Variants in CTNNA3 observed in about 807,000 individuals in gnomAD.
The protein encoded by CTNNA3 is catenin alpha-3.
In CTNNA3, 76 loss-of-function variants were observed where a neutral mutation model predicts 95.7. The ratio of observed to expected loss-of-function variants is 0.79; its 90% confidence interval spans 0.66 to 0.96. The LOEUF is 0.96. CTNNA3 is among the 40% of genes least tolerant of loss of function. CTNNA3 has a pLI of 0.00. For missense variants in CTNNA3, 1,191 were observed against 1,089.8 expected, an observed-to-expected ratio of 1.09 and a Z score of -1.31; for synonymous variants, 431 against 374.4, an observed-to-expected ratio of 1.15 and a Z score of -1.74.
At chr10:66,135,624 G>A (rs998643839) in intron 13 of CTNNA3, among the ~76,000 whole-genome samples, 8 of 152,098 alleles carry the variant, frequency 5.3e-5, no homozygotes, top group African/African-American at 1.9e-4. Flanking sequence ...AATTCATTAG[G>A]TAAAAGTGTT....
chr10:66,305,484 T>G (rs1236487503), intron 12 of CTNNA3, among the ~76,000 whole-genome samples: 1 of 152,172 alleles, frequency 6.6e-6, no homozygotes, highest in African/African-American at 2.4e-5. Context: ...CTGTGTTACC[T>G]TCCTTCCACC....
chr10:67,637,152 C>G (rs187404798), intron 2 of CTNNA3, among the ~76,000 whole-genome samples: 1 of 152,070 alleles, frequency 6.6e-6, no homozygotes, highest in Non-Finnish European at 1.5e-5. Context: ...GAATACCCAA[C>G]GCAGAGAAGT....
Position 67,180,232 on chromosome 10 carries a change from A to G in CTNNA3, c.1047+85T>C. Reference sequence around the variant, plus strand: ...CACATACTCATTTGTAATTTACCCTATTTTGTATACGGAAAGTATCTCAGC... The same window carrying G: ...CACATACTCATTTGTAATTTACCCTGTTTTGTATACGGAAAGTATCTCAGC... On this transcript the variant is annotated intron_variant, in intron 7 of 17. Coordinates refer to ENST00000433211, the MANE Select transcript of CTNNA3 (RefSeq NM_013266.4). 5 of 1,143,840 alleles carry G rather than the reference A, an allele frequency of 4.4e-6. No individual in the cohort carries two copies. The South Asian group carries it at 6.2e-5, about 14-fold the overall frequency. 70.9% of individuals were successfully genotyped at this position (1,143,840 alleles called of 1,614,324 possible). A position where few individuals can be genotyped will look rare whatever the true frequency, so the allele number is the denominator to read the frequency against.
chr10:66,877,508 C>A (rs550771344), intron 7 of CTNNA3, among the ~76,000 whole-genome samples: 9 of 152,118 alleles, frequency 5.9e-5, no homozygotes, highest in African/African-American at 1.7e-4. Context: ...TGAACTGTCA[C>A]CTATCAATGC....
At chr10:66,398,855 A>G (rs763654618) in intron 11 of CTNNA3, among the ~76,000 whole-genome samples, 4 of 152,006 alleles carry the variant, frequency 2.6e-5, no homozygotes, top group Admixed American at 1.3e-4. Context: ...ACCATCTTGC[A>G]CAAATTCAGT....
At chr10:67,289,458 A>C (rs1181835561) in intron 5 of CTNNA3, among the ~76,000 whole-genome samples, 1 of 152,204 alleles carries the variant, frequency 6.6e-6, no homozygotes, top group African/African-American at 2.4e-5. Flanking sequence ...GGGTAATTAC[A>C]TCCAAGGTCT....
chr10:66,573,605 T>G (rs1490799806), intron 10 of CTNNA3, among the ~76,000 whole-genome samples: 1 of 152,170 alleles, frequency 6.6e-6, no homozygotes, highest in Non-Finnish European at 1.5e-5. Context: ...GCCTATTCAT[T>G]TTTGCCTTCC....
At chr10:66,501,859 T>C (rs1840289398) in intron 11 of CTNNA3, among the ~76,000 whole-genome samples, 1 of 152,082 alleles carries the variant, frequency 6.6e-6, no homozygotes, top group South Asian at 2.1e-4. Context: ...CATCAAAATC[T>C]TTAGTACTAA....
chr10:65,996,460 A>G (rs1324513315), intron 15 of CTNNA3, among the ~76,000 whole-genome samples: 2 of 152,096 alleles, frequency 1.3e-5, no homozygotes, highest in African/African-American at 4.8e-5. Context: ...GGGAGATGTC[A>G]GTGGGGTTCT....
upstream of CTNNA3, among the ~76,000 whole-genome samples, chr10:67,699,562 C>T (rs773351536): frequency 2.6e-5 from 4 of 152,182 alleles, no homozygotes; most frequent in Non-Finnish European, 4.4e-5. Context: ...CCCAGGTACA[C>T]GCTAAGGAAT....
chr10:66,645,343 A>T (rs1167727612), intron 9 of CTNNA3, among the ~76,000 whole-genome samples: 1 of 152,000 alleles, frequency 6.6e-6, no homozygotes, highest in African/African-American at 2.4e-5. Flanking sequence ...TAATTTTTTA[A>T]TATTTTACCT....
intron 12 of CTNNA3, among the ~76,000 whole-genome samples, chr10:66,303,846 G>A (rs2091898201): frequency 1.3e-5 from 2 of 152,044 alleles, no homozygotes; most frequent in Admixed American, 6.6e-5. Context: ...GCCCACCTCG[G>A]CCTCCCAAAG....
chr10:66,185,889 T>C (rs1319022185), intron 13 of CTNNA3, among the ~76,000 whole-genome samples: 1 of 152,002 alleles, frequency 6.6e-6, no homozygotes, highest in Admixed American at 6.6e-5. Context: ...TGTATACTTA[T>C]ATATATGTAT....
chr10:66,831,447 G>A (rs1273898330), intron 7 of CTNNA3, among the ~76,000 whole-genome samples: 3 of 152,124 alleles, frequency 2.0e-5, no homozygotes, highest in Admixed American at 6.6e-5. Context: ...CCCAATCCAA[G>A]CTTTCACTCC....
rs1037519778 is a variant in CTNNA3 at position 66,899,474 on chromosome 10, AC to A, written c.1048-123951del. On this transcript the variant is annotated intron_variant, in intron 7 of 17. Coordinates refer to ENST00000433211, the MANE Select transcript of CTNNA3 (RefSeq NM_013266.4). ...GCAGACCTGCATTTCCAACTGAGGT[AC>A]CTAGTTCATCTCATTGGGACTGGTT... Among the ~76,000 whole-genome samples, 146 of 152,252 alleles carry A rather than the reference AC, an allele frequency of 9.6e-4. 1 individual carries two copies. Among genetic ancestry groups the A allele is most frequent in the African/African-American group, 3.5e-3 (144 of 41,556 alleles).
chr10:66,794,480 G>T (rs894890542), intron 7 of CTNNA3, among the ~76,000 whole-genome samples: 2 of 152,104 alleles, frequency 1.3e-5, no homozygotes, highest in African/African-American at 4.8e-5. Flanking sequence ...TCTAAAAAAT[G>T]TACATACCTT....
intron 1 of CTNNA3, among the ~76,000 whole-genome samples, chr10:67,753,308 T>A (rs1222248054): frequency 2.6e-5 from 4 of 152,114 alleles, no homozygotes; most frequent in East Asian, 1.9e-4. Flanking sequence ...TTATAATTCA[T>A]ACAAAAATTA....
intron 12 of CTNNA3, among the ~76,000 whole-genome samples, chr10:66,329,998 C>A (rs952376215): frequency 1.3e-5 from 2 of 151,840 alleles, no homozygotes; most frequent in East Asian, 1.9e-4. Context: ...TGATTCCAAG[C>A]TCAAAAAATA....
At chr10:67,046,325 A>C (rs1255513837) in intron 7 of CTNNA3, among the ~76,000 whole-genome samples, 1 of 152,210 alleles carries the variant, frequency 6.6e-6, no homozygotes, top group Admixed American at 6.5e-5. Context: ...CAAATATGCC[A>C]GGTTTCAAGT....
Sources: allele counts gnomAD v4.1 joint callset (sites outside exome capture counted in the v4.1 genomes callset), GRCh38; gene constraint gnomAD v4.1.1; transcripts MANE v1.5; gene names NCBI Gene and HGNC (gene_info 2026-07-23, HGNC 2026-07-21).